The following CTNNBL1 variants were observed in gnomAD, a reference collection of about 807,000 sequenced individuals.
CTNNBL1 encodes the protein catenin beta like 1.
In CTNNBL1, 31 loss-of-function variants were observed where a neutral mutation model predicts 72.7. The ratio of observed to expected loss-of-function variants is 0.43; its 90% CI spans 0.32 to 0.58. The LOEUF (loss-of-function observed/expected upper bound fraction) is 0.58, where lower values mean the gene tolerates loss of function less well. Ranked by LOEUF, CTNNBL1 falls within the 20% of genes least tolerant of loss-of-function variation. CTNNBL1 has a pLI of 0.08. For missense variants in CTNNBL1, 534 were observed against 725.1 expected, an observed-to-expected ratio of 0.74 and a Z score of 3.03; for synonymous variants, 240 against 267.3, an observed-to-expected ratio of 0.90 and a Z score of 1.00.
At chr20:37,767,826 C>A in intron 6 of CTNNBL1, 127 bp from the exon 7 acceptor site, 1 of 710,602 alleles carries the variant, frequency 1.4e-6, no homozygotes, top group Non-Finnish European at 2.5e-6. Flanking sequence ...AAATGACAAC[C>A]CAGCATCTGG....
chr20:37,776,445 A>G (rs1476514132), intron 7 of CTNNBL1, among the ~76,000 whole-genome samples: 2 of 152,136 alleles, frequency 1.3e-5, no homozygotes, highest in African/African-American at 4.8e-5. Context: ...CCAAGTACAG[A>G]AATTCTTTGT....
intron 1 of CTNNBL1, among the ~76,000 whole-genome samples, chr20:37,724,774 A>G (rs144582477): frequency 3.9e-5 from 6 of 152,308 alleles, no homozygotes; most frequent in East Asian, 3.9e-4. Context: ...TTATTTGTCA[A>G]TGTGGACATT....
intron 13 of CTNNBL1, among the ~76,000 whole-genome samples, chr20:37,847,324 T>C (rs1324647802): frequency 6.6e-6 from 1 of 152,198 alleles, no homozygotes; most frequent in Non-Finnish European, 1.5e-5. Flanking sequence ...GCAGTGGCCT[T>C]CTGCTTTTAT....
At chr20:37,721,102 G>T (rs2073036901) in intron 1 of CTNNBL1, among the ~76,000 whole-genome samples, 1 of 152,108 alleles carries the variant, frequency 6.6e-6, no homozygotes, top group South Asian at 2.1e-4. Flanking sequence ...CTATTCTAAG[G>T]CATCCGTTAA....
intron 11 of CTNNBL1, among the ~76,000 whole-genome samples, chr20:37,826,091 C>G (rs1023120995): frequency 6.6e-6 from 1 of 152,196 alleles, no homozygotes; most frequent in Non-Finnish European, 1.5e-5. Context: ...TTCATGCCTT[C>G]TGCCCAAGCT....
chr20:37,796,296 G>A (rs1439583888), intron 10 of CTNNBL1, among the ~76,000 whole-genome samples: 1 of 152,146 alleles, frequency 6.6e-6, no homozygotes, highest in African/African-American at 2.4e-5. Flanking sequence ...GCAGCTCTCT[G>A]CTGTGAACTC....
chr20:37,704,017 T>C (rs2072865639), intron 1 of CTNNBL1, among the ~76,000 whole-genome samples: 1 of 152,216 alleles, frequency 6.6e-6, no homozygotes, highest in South Asian at 2.1e-4. Context: ...CCTCAGGTGA[T>C]CCACCTGTCT....
intron 15 of CTNNBL1, among the ~76,000 whole-genome samples, chr20:37,868,605 G>T (rs981716394): frequency 6.6e-6 from 1 of 152,210 alleles, no homozygotes; most frequent in Admixed American, 6.5e-5. Flanking sequence ...AATGGGTGAT[G>T]TGACTGTTTG....
chr20:37,776,679 A>G (rs1244247818), intron 7 of CTNNBL1, among the ~76,000 whole-genome samples: 6 of 152,188 alleles, frequency 3.9e-5, no homozygotes, highest in Non-Finnish European at 7.3e-5. Flanking sequence ...TGTGCAGTAG[A>G]TGTGTCCCCT....
intron 11 of CTNNBL1, among the ~76,000 whole-genome samples, chr20:37,824,334 G>A (rs16986959): frequency 0.075 from 11,454 of 152,262 alleles, 558 homozygotes; most frequent in African/African-American, 0.12. Flanking sequence ...ACAGTGAGGC[G>A]AAAAGAAGGG....
intron 10 of CTNNBL1, among the ~76,000 whole-genome samples, chr20:37,788,750 T>C (rs1459432278): frequency 6.6e-6 from 1 of 152,266 alleles, no homozygotes; most frequent in Non-Finnish European, 1.5e-5. Flanking sequence ...TCAGTTCTTA[T>C]CACCTTTCTT....
chr20:37,752,277 C>A (rs559782699), intron 4 of CTNNBL1, among the ~76,000 whole-genome samples: 2 of 152,140 alleles, frequency 1.3e-5, no homozygotes, highest in East Asian at 3.9e-4. Flanking sequence ...TTAGTTTGAT[C>A]TAGGATGGGG....
At chr20:37,794,792 G>C (rs368936912) in intron 10 of CTNNBL1, among the ~76,000 whole-genome samples, 4 of 152,088 alleles carry the variant, frequency 2.6e-5, no homozygotes, top group East Asian at 1.9e-4. Context: ...GTGAGCCACC[G>C]TGCCTGACTG....
chr20:37,722,500 AT>A (rs1247363589), intron 1 of CTNNBL1, among the ~76,000 whole-genome samples: 1 of 151,272 alleles, frequency 6.6e-6, no homozygotes, highest in African/African-American at 2.4e-5. Context: ...AAATAAATAA[AT>A]AAATAAATAA....
intron 2 of CTNNBL1, among the ~76,000 whole-genome samples, chr20:37,734,119 A>G (rs2073152869): frequency 6.6e-6 from 1 of 152,222 alleles, no homozygotes; most frequent in Non-Finnish European, 1.5e-5. Context: ...GTTCTCTCAA[A>G]GACACGATGC....
At chr20:37,855,709 T>G (rs2072434132) in intron 13 of CTNNBL1, among the ~76,000 whole-genome samples, 1 of 152,184 alleles carries the variant, frequency 6.6e-6, no homozygotes, top group Non-Finnish European at 1.5e-5. Context: ...ATATTCTGAT[T>G]CATGACATTT....
chr20:37,765,411 C>T, intron 6 of CTNNBL1, 121 bp downstream of exon 6: 1 of 632,826 alleles, frequency 1.6e-6, no homozygotes. Context: ...TCCTTCTGCT[C>T]CCAAACTGCC....
At chr20:37,725,020 CT>C (rs1213844870) in intron 1 of CTNNBL1, among the ~76,000 whole-genome samples, 1 of 151,516 alleles carries the variant, frequency 6.6e-6, no homozygotes, top group Non-Finnish European at 1.5e-5. Flanking sequence ...ATCCTCTCAC[CT>C]CAGCCTCCTG....
chr20:37,779,745 T>C (rs1408502625), intron 10 of CTNNBL1, among the ~76,000 whole-genome samples: 2 of 152,164 alleles, frequency 1.3e-5, no homozygotes, highest in Admixed American at 6.5e-5. Flanking sequence ...AGCGTATCAT[T>C]CATATTTTTC....
Sources: allele counts gnomAD v4.1 joint callset (sites outside exome capture counted in the v4.1 genomes callset), GRCh38; gene constraint gnomAD v4.1.1; transcripts MANE v1.5; gene names NCBI Gene and HGNC (gene_info 2026-07-23, HGNC 2026-07-21).